Variants in TMEM223 observed in about 807,000 individuals in gnomAD.
The protein encoded by TMEM223 is transmembrane protein 223.
In TMEM223, 14 loss-of-function variants were observed where a neutral mutation model predicts 14.1. The ratio of observed to expected loss-of-function variants is 0.99; its 90% confidence interval spans 0.66 to 1.55. The LOEUF is 1.55. TMEM223 is among the 40% of genes most tolerant of loss of function. TMEM223 has a pLI of 0.00. For synonymous variants in TMEM223, 145 were observed against 120.5 expected, an observed-to-expected ratio of 1.20 and a Z score of -1.33; for missense variants, 346 against 269.9, an observed-to-expected ratio of 1.28 and a Z score of -1.97.
chr11:62,777,881 G>A (rs1344914388), intron 1 of TMEM223: 9 of 1,412,194 alleles, frequency 6.4e-6, no homozygotes, highest in Non-Finnish European at 7.7e-6. Context: ...TCCTTCAAAC[G>A]TGGGCTCTCT....
At chr11:62,789,626 T>C (rs1377998431), downstream of TMEM223, 3 of 1,549,330 alleles carry the variant, frequency 1.9e-6, no homozygotes, top group African/African-American at 1.4e-5. Context: ...GAAAATTCCA[T>C]GGACACCCCC....
chr11:62,787,755 G>A (rs2084304898), downstream of TMEM223: 4 of 687,998 alleles, frequency 5.8e-6, no homozygotes, highest in South Asian at 4.9e-5. Flanking sequence ...GGACGGGTCA[G>A]TAGCGTCTTA....
chr11:62,791,980 C>A lies in TMEM223; in HGVS notation c.15G>T (p.Trp5Cys). Residue 5 changes from tryptophan to cysteine, a missense_variant, in exon 1 of 2, where the codon TGG becomes TGT. By Grantham distance (215) the Trp-to-Cys change is radical. Coordinates refer to ENST00000307366, the MANE Select transcript of TMEM223 (RefSeq NM_001080501.3). ...CTAGCAGCCCCGTGGGCCATCGCCT[C>A]CAAGGCGCCGCCATGGCCAGCCGAC... MAAPWRRWPTGLLAV... is the reference protein window; with the variant it reads MAAPCRRWPTGLLAV... The A allele has an allele frequency of 6.5e-7, 1 of 1,547,082 alleles. No homozygotes were observed. The highest frequency in any genetic ancestry group is 2.4e-5 in the East Asian group (1 of 41,616).
rs1446838077 is a variant in TMEM223, at chr11:62,790,227, AT to A, written c.*395del. 1 of 673,390 alleles carries A rather than the reference AT, an allele frequency of 1.5e-6. No homozygotes were observed. Among genetic ancestry groups the A allele is most frequent in the African/African-American group, 1.8e-5 (1 of 55,160 alleles). 41.7% of individuals were successfully genotyped at this position (673,390 alleles called of 1,614,324 possible). On this transcript the variant is annotated 3_prime_UTR_variant, in exon 2 of 2. Coordinates refer to ENST00000307366, the MANE Select transcript of TMEM223 (RefSeq NM_001080501.3). ...GCAGCTGTTTTTGTACCAAAATATTATATTACTGTCTTCATCTTAGTAGTGA... is the reference window on the plus strand; with the variant it reads ...GCAGCTGTTTTTGTACCAAAATATTAATTACTGTCTTCATCTTAGTAGTGA...
At chr11:62,774,642 G>T (rs1001777194) in exon 2 of TMEM223, 13 of 455,024 alleles carry the variant, frequency 2.9e-5, no homozygotes, top group Non-Finnish European at 5.3e-5. Flanking sequence ...TGCTGTTTTT[G>T]TCGGTTTCTT....
chr11:62,789,097 C>G, downstream of TMEM223: 1 of 1,614,236 alleles, frequency 6.2e-7, no homozygotes, highest in East Asian at 2.2e-5. Context: ...TATCCCGTCC[C>G]TCAGCACCAT....
At chr11:62,771,657 G>C (rs1424213685), downstream of TMEM223, 1 of 183,248 alleles carries the variant, frequency 5.5e-6, no homozygotes, top group Non-Finnish European at 1.2e-5. Flanking sequence ...CCCGATCTGG[G>C]CTGGGCTAGG....
downstream of TMEM223, chr11:62,787,692 C>T (rs2134735674): frequency 5.6e-6 from 5 of 889,374 alleles, no homozygotes; most frequent in South Asian, 7.0e-5. Flanking sequence ...GCTAATCGCG[C>T]TTTGTGGCTC....
At chr11:62,778,805 G>C (rs2084205704) in intron 1 of TMEM223, 1 of 1,384,806 alleles carries the variant, frequency 7.2e-7, no homozygotes, top group Non-Finnish European at 1.0e-6. Flanking sequence ...GGGGGAGGAG[G>C]CTGGAGAGGC....
downstream of TMEM223, chr11:62,786,229 A>G: frequency 1.3e-6 from 2 of 1,596,498 alleles, no homozygotes; most frequent in Non-Finnish European, 8.6e-7. Context: ...TATCAAAGAC[A>G]TGCTAACTGT....
chr11:62,785,022 TAATA>T (rs1230318552), downstream of TMEM223, among the ~76,000 whole-genome samples: 2 of 152,118 alleles, frequency 1.3e-5, no homozygotes, highest in Non-Finnish European at 2.9e-5. Context: ...TTTTTTTATT[TAATA>T]GAGATGAGGT....
chr11:62,786,637 G>A, downstream of TMEM223: 4 of 1,603,150 alleles, frequency 2.5e-6, no homozygotes, highest in Non-Finnish European at 3.4e-6. Context: ...TCTCTTTCAA[G>A]AGTCGTCCTC....
intron 1 of TMEM223, chr11:62,778,414 G>A (rs568542700): frequency 2.5e-5 from 39 of 1,530,388 alleles, no homozygotes; most frequent in Non-Finnish European, 2.8e-5. Context: ...ATGTGCCCCC[G>A]AGTCTGCGTC....
chr11:62,775,288 G>A (rs760095504), intron 1 of TMEM223, among the ~76,000 whole-genome samples: 14 of 152,084 alleles, frequency 9.2e-5, no homozygotes, highest in African/African-American at 4.8e-5. Flanking sequence ...GAACAGCATG[G>A]GGGAAAATGT....
intron 1 of TMEM223, among the ~76,000 whole-genome samples, chr11:62,780,689 G>A (rs182802440): frequency 6.6e-6 from 1 of 152,112 alleles, no homozygotes; most frequent in African/African-American, 2.4e-5. Context: ...CAGCAGTTTG[G>A]GAGGCCGAGG....
chr11:62,788,874 A>G (rs1347206892), downstream of TMEM223: 12 of 877,458 alleles, frequency 1.4e-5, no homozygotes, highest in South Asian at 3.7e-5. Context: ...CTCTCCATCA[A>G]TATCCCTGTC....
chr11:62,791,019 T>C, intron 1 of TMEM223, 104 bp from the exon 2 acceptor site: 1 of 1,288,376 alleles, frequency 7.8e-7, no homozygotes, highest in Non-Finnish European at 1.0e-6. Flanking sequence ...GAAAGTAGTA[T>C]TTACTGAGCG....
downstream of TMEM223, chr11:62,787,353 A>C: frequency 6.5e-7 from 1 of 1,535,358 alleles, no homozygotes; most frequent in Non-Finnish European, 8.7e-7. Flanking sequence ...TGACGTCTCC[A>C]CCTTCGTGGG....
downstream of TMEM223, among the ~76,000 whole-genome samples, chr11:62,785,790 C>T (rs1254090063): frequency 6.6e-6 from 1 of 151,954 alleles, no homozygotes; most frequent in African/African-American, 2.4e-5. Context: ...TGGCCTCGGC[C>T]TCCCAAAGTG....
Sources: gnomAD v4.1 joint callset for allele counts (sites outside exome capture counted in the v4.1 genomes callset) on GRCh38, gnomAD v4.1.1 for gene constraint, MANE v1.5 for transcripts, NCBI Gene and HGNC (gene_info 2026-07-23, HGNC 2026-07-21) for gene names.